HSD17B12: variants seen among roughly 807,000 people sequenced by gnomAD.
The protein encoded by HSD17B12 is hydroxysteroid 17-beta dehydrogenase 12.
A neutral mutation model predicts 39.3 loss-of-function variants in HSD17B12; 32 were observed. The observed-to-expected ratio is 0.81, with a 90% CI of 0.61 to 1.09. The LOEUF (loss-of-function observed/expected upper bound fraction) is 1.09. Among genes scored for constraint, HSD17B12 ranks in the 50% least tolerant of loss-of-function variants. The pLI is 0.00. For missense variants in HSD17B12, 342 were observed against 382.9 expected, an observed-to-expected ratio of 0.89 and a Z score of 0.89; for synonymous variants, 150 against 146.7, an observed-to-expected ratio of 1.02 and a Z score of -0.16.
intron 9 of HSD17B12, among the ~76,000 whole-genome samples, chr11:43,849,021 AG>A (rs1951506027): frequency 6.6e-6 from 1 of 152,180 alleles, no homozygotes; most frequent in South Asian, 2.1e-4. Context: ...AATAAAATCC[AG>A]CTGGGCACAG....
At chr11:43,600,008 G>A in the HSD17B12 span, among the ~76,000 whole-genome samples, 5 of 152,102 alleles carry the variant, frequency 3.3e-5, no homozygotes, top group Non-Finnish European at 7.4e-5. Flanking sequence ...GTTATTCAGT[G>A]TTCGGCAGTA....
chr11:43,801,628 A>ATATATATATG (rs1176560327), intron 4 of HSD17B12, among the ~76,000 whole-genome samples: 68 of 20,908 alleles, frequency 3.3e-3, no homozygotes, highest in African/African-American at 7.5e-3. Context: ...ATATATATAT[A>ATATATATATG]TATGTATATG....
the HSD17B12 span, among the ~76,000 whole-genome samples, chr11:43,666,671 T>A: frequency 2.0e-5 from 3 of 152,198 alleles, no homozygotes; most frequent in African/African-American, 7.2e-5. Flanking sequence ...TCATTAACAT[T>A]CTCATAATAC....
At chr11:43,842,838 C>G (rs1171610244) in intron 9 of HSD17B12, among the ~76,000 whole-genome samples, 3 of 152,208 alleles carry the variant, frequency 2.0e-5, no homozygotes, top group African/African-American at 7.2e-5. Flanking sequence ...GTAAGTGTCT[C>G]AGTGACAGAA....
intron 1 of HSD17B12, among the ~76,000 whole-genome samples, chr11:43,688,390 T>C (rs998531905): frequency 2.0e-5 from 3 of 152,150 alleles, no homozygotes; most frequent in African/African-American, 7.2e-5. Context: ...ATGGGGTTAT[T>C]GAAACACTGA....
chr11:43,654,355 C>A, the HSD17B12 span, among the ~76,000 whole-genome samples: 1 of 152,110 alleles, frequency 6.6e-6, no homozygotes, highest in Non-Finnish European at 1.5e-5. Context: ...TGCCTGTTCA[C>A]TCTGATGGTG....
intron 3 of HSD17B12, among the ~76,000 whole-genome samples, chr11:43,772,468 CTT>C (rs1313098143): frequency 6.6e-6 from 1 of 152,166 alleles, no homozygotes. Flanking sequence ...TGAATTTTCT[CTT>C]GGCACAATTA....
chr11:43,723,915 T>C (rs1314472285), intron 1 of HSD17B12: 1 of 152,192 alleles, frequency 6.6e-6, no homozygotes, highest in African/African-American at 2.4e-5. Context: ...TCCCTCCAAC[T>C]CTTCTTTTCC....
chr11:43,826,331 C>T (rs1047812306), intron 6 of HSD17B12, among the ~76,000 whole-genome samples: 2 of 152,048 alleles, frequency 1.3e-5, no homozygotes, highest in African/African-American at 4.8e-5. Context: ...GATCTGCCCG[C>T]CTCGACCTCC....
chr11:43,760,284 A>G (rs991724421), intron 3 of HSD17B12, among the ~76,000 whole-genome samples: 1 of 152,134 alleles, frequency 6.6e-6, no homozygotes, highest in Non-Finnish European at 1.5e-5. Context: ...TCCTGAGCTC[A>G]AGCGATCCTC....
chr11:43,583,373 A>C, the HSD17B12 span, among the ~76,000 whole-genome samples: 4 of 152,190 alleles, frequency 2.6e-5, no homozygotes, highest in African/African-American at 9.6e-5. Context: ...TCAGCCAGAC[A>C]ACTGTTGCTG....
At chr11:43,727,716 T>C (rs1950233629) in intron 1 of HSD17B12, among the ~76,000 whole-genome samples, 2 of 152,192 alleles carry the variant, frequency 1.3e-5, no homozygotes, top group Non-Finnish European at 2.9e-5. Context: ...TTTGGTGTTA[T>C]GGTAAAACAG....
intron 3 of HSD17B12, among the ~76,000 whole-genome samples, chr11:43,795,602 G>T (rs996359958): frequency 1.3e-5 from 2 of 152,118 alleles, no homozygotes; most frequent in African/African-American, 2.4e-5. Flanking sequence ...CTATAAAAGG[G>T]ACATATCACA....
At chr11:43,694,192 A>G (rs558742132) in intron 1 of HSD17B12, among the ~76,000 whole-genome samples, 8 of 152,298 alleles carry the variant, frequency 5.3e-5, no homozygotes, top group African/African-American at 1.4e-4. Flanking sequence ...TGTTATTTCC[A>G]TGTAATATAC....
chr11:43,781,124 C>T (rs1950761387), intron 3 of HSD17B12, among the ~76,000 whole-genome samples: 1 of 152,098 alleles, frequency 6.6e-6, no homozygotes. Context: ...GTCTTGGTGA[C>T]CTATAAAATT....
chr11:43,762,363 T>C (rs1186004035), intron 3 of HSD17B12, among the ~76,000 whole-genome samples: 2 of 152,186 alleles, frequency 1.3e-5, no homozygotes, highest in East Asian at 1.9e-4. Context: ...TTTGTGGCAA[T>C]GTTGGGTTAC....
chr11:43,745,321 A>C (rs1590713621), intron 1 of HSD17B12, among the ~76,000 whole-genome samples: 1 of 152,194 alleles, frequency 6.6e-6, no homozygotes, highest in East Asian at 1.9e-4. Context: ...TTCCAGTCAA[A>C]TGTTTAGATG....
the HSD17B12 span, among the ~76,000 whole-genome samples, chr11:43,653,668 G>A: frequency 1.2e-4 from 18 of 152,190 alleles, no homozygotes; most frequent in South Asian, 1.9e-3. Context: ...TTTTGTCCTT[G>A]CAATAGTTTG....
At chr11:43,669,427 G>C in the HSD17B12 span, among the ~76,000 whole-genome samples, 1 of 152,048 alleles carries the variant, frequency 6.6e-6, no homozygotes, top group African/African-American at 2.4e-5. Context: ...CTTGGACCTG[G>C]GAGGCGGAGG....
Sources: allele counts gnomAD v4.1 joint callset (sites outside exome capture counted in the v4.1 genomes callset), GRCh38; gene constraint gnomAD v4.1.1; transcripts MANE v1.5; gene names NCBI Gene and HGNC (gene_info 2026-07-23, HGNC 2026-07-21).